Variants in TBC1D14 observed in about 807,000 individuals in gnomAD.
The protein encoded by TBC1D14 is TBC1 domain family, member 14.
TBC1D14 carries 26 observed loss-of-function variants against 79.0 expected under a neutral mutation model. The ratio of observed to expected loss-of-function variants is 0.33; its 90% CI spans 0.24 to 0.46. The LOEUF (loss-of-function observed/expected upper bound fraction) is 0.46, where lower values mean the gene tolerates loss of function less well. Among genes scored for constraint, TBC1D14 ranks in the 20% least tolerant of loss-of-function variants. The pLI is 1.00. For missense variants in TBC1D14, 769 were observed against 887.6 expected (o/e 0.87, Z 1.70); for synonymous variants, 394 against 349.9 (o/e 1.13, Z -1.40).
intron 6 of TBC1D14, among the ~76,000 whole-genome samples, chr4:6,999,618 A>G (rs547560270): frequency 6.6e-6 from 1 of 152,058 alleles, no homozygotes; most frequent in Admixed American, 6.5e-5. Context: ...GGAGCCCCCC[A>G]TAGGTGTTGC....
chr4:6,940,100 A>G (rs1207855260), intron 2 of TBC1D14, among the ~76,000 whole-genome samples: 2 of 152,170 alleles, frequency 1.3e-5, no homozygotes, highest in African/African-American at 4.8e-5. Context: ...CTAGAATATC[A>G]AACTGCCGTC....
rs556716856 is a variant in TBC1D14, at chr4:6,951,395, G to T, written c.723-15909G>T. On this transcript the variant is annotated intron_variant, in intron 2 of 13. Transcript: ENST00000409757. ...ATATGAATTGAAACAATAATAGCTG[G>T]GTGTGGTAGCCTGCAATCCCACCTA... Among the ~76,000 whole-genome samples, 354 of 152,226 alleles carry T rather than the reference G, an allele frequency of 2.3e-3. 1 individual carries two copies. The Middle Eastern group carries it at 0.027, about 12-fold the overall frequency.
rs1720005811 is a variant in TBC1D14, at chr4:7,004,735, CCTATTAT to C, written c.1271-108_1271-102del. 9.5e-6 allele frequency: 9 copies of C among 947,370 alleles called. No homozygotes were observed. In the African/African-American group the frequency reaches 1.5e-4, roughly 15 times the overall value. The allele number at this position is 947,370 out of a possible 1,614,324, so 58.7% of individuals were successfully genotyped here. Reference sequence around the variant, plus strand: ...AGTAGCCTGTTAAGTATGCATTAAGCCTATTATAGTTGAACTTAAGTATTTGGAGGAA... The same window carrying C: ...AGTAGCCTGTTAAGTATGCATTAAGCAGTTGAACTTAAGTATTTGGAGGAA... On this transcript the variant is annotated intron_variant, in intron 7 of 13. Transcript: ENST00000409757.
intron 3 of TBC1D14, among the ~76,000 whole-genome samples, chr4:6,979,214 G>T (rs1451295857): frequency 6.6e-6 from 1 of 152,170 alleles, no homozygotes; most frequent in Non-Finnish European, 1.5e-5. Flanking sequence ...GAAAAAAAGA[G>T]AAAACAAATG....
At chr4:6,995,144 T>C (rs1042494044) in intron 4 of TBC1D14, among the ~76,000 whole-genome samples, 1 of 152,244 alleles carries the variant, frequency 6.6e-6, no homozygotes, top group African/African-American at 2.4e-5. Flanking sequence ...CCAGTACAGT[T>C]ACAAGCACGC....
chr4:6,947,619 G>A (rs1031368054), intron 2 of TBC1D14, among the ~76,000 whole-genome samples: 5 of 146,994 alleles, frequency 3.4e-5, no homozygotes, highest in African/African-American at 7.5e-5. Flanking sequence ...CTGAGATTGC[G>A]CCACGGCACT....
intron 1 of TBC1D14, among the ~76,000 whole-genome samples, chr4:6,918,105 C>T (rs10937763): frequency 9.2e-5 from 14 of 151,982 alleles, no homozygotes; most frequent in Admixed American, 2.6e-4. Flanking sequence ...GGCCCCCCAC[C>T]GCAGAGGAGA....
intron 1 of TBC1D14, among the ~76,000 whole-genome samples, chr4:6,910,810 G>C (rs763902613): frequency 2.0e-5 from 3 of 152,214 alleles, no homozygotes; most frequent in South Asian, 4.1e-4. Context: ...GTTTTCTCTA[G>C]CGTGGAATTG....
At chr4:6,938,722 G>T (rs1172238246) in intron 2 of TBC1D14, among the ~76,000 whole-genome samples, 2 of 152,202 alleles carry the variant, frequency 1.3e-5, no homozygotes, top group Non-Finnish European at 2.9e-5. Context: ...GCCTTGCCTC[G>T]CGGGCCTTCT....
intron 2 of TBC1D14, among the ~76,000 whole-genome samples, chr4:6,963,641 C>G (rs138694648): frequency 3.0e-4 from 45 of 152,354 alleles, no homozygotes; most frequent in African/African-American, 1.0e-3. Context: ...CAGCCCAGAC[C>G]CCAGGCTACA....
chr4:6,991,346 T>C (rs1718465442), intron 3 of TBC1D14, among the ~76,000 whole-genome samples: 1 of 152,200 alleles, frequency 6.6e-6, no homozygotes, highest in Non-Finnish European at 1.5e-5. Flanking sequence ...GGAGTGTGGC[T>C]GCGGAACCCC....
chr4:6,969,285 TAA>T (rs542721589), intron 3 of TBC1D14, among the ~76,000 whole-genome samples: 44 of 152,350 alleles, frequency 2.9e-4, no homozygotes, highest in Admixed American at 2.6e-3. Flanking sequence ...CAAGCTGCTA[TAA>T]AGTTTTTAAA....
At chr4:6,987,268 G>A (rs1717954934) in intron 3 of TBC1D14, 2 of 1,293,098 alleles carry the variant, frequency 1.5e-6, no homozygotes, top group Non-Finnish European at 2.0e-6. Context: ...CCCGCGGTCC[G>A]GGAGGGAGGG....
chr4:6,948,846 T>C (rs1713740241), intron 2 of TBC1D14, among the ~76,000 whole-genome samples: 1 of 151,658 alleles, frequency 6.6e-6, no homozygotes, highest in Non-Finnish European at 1.5e-5. Flanking sequence ...ATTACAGGCG[T>C]GAGCCACCAC....
intron 2 of TBC1D14, among the ~76,000 whole-genome samples, chr4:6,952,837 T>TG (rs1285754929): frequency 3.3e-5 from 5 of 151,758 alleles, no homozygotes; most frequent in African/African-American, 1.2e-4. Context: ...CTAGTTTTTT[T>TG]TTGTTGTTGT....
At position 6,945,981 on chromosome 4, in the gene TBC1D14, C is replaced by T. The variant is rs190958216; in HGVS notation, c.723-21323C>T. Among the ~76,000 whole-genome samples, 157 of 152,124 alleles carry T rather than the reference C, an allele frequency of 1.0e-3. 3 individuals are homozygous for T. The highest frequency in any genetic ancestry group is 3.5e-3 in the African/African-American group (147 of 41,490). ...TGCGCCTCAGGATGCTTGAAAACTC[C>T]CCGGGTGACTCTAGCACGCAGAGGG... On this transcript the variant is annotated intron_variant, in intron 2 of 13. Coordinates refer to ENST00000409757, the MANE Select transcript of TBC1D14 (RefSeq NM_020773.3).
chr4:6,931,092 G>A (rs900482756), intron 2 of TBC1D14, among the ~76,000 whole-genome samples: 2 of 151,956 alleles, frequency 1.3e-5, no homozygotes, highest in African/African-American at 4.8e-5. Flanking sequence ...ATAGAGACAG[G>A]GTTTCTCTAT....
At chr4:6,926,909 C>T (rs1056099296) in intron 2 of TBC1D14, among the ~76,000 whole-genome samples, 2 of 152,260 alleles carry the variant, frequency 1.3e-5, no homozygotes, top group Admixed American at 6.5e-5. Flanking sequence ...CCTGTTTCCC[C>T]ACTTTGTCCC....
chr4:7,025,581 A>G (rs982803929), intron 13 of TBC1D14, among the ~76,000 whole-genome samples: 20 of 151,678 alleles, frequency 1.3e-4, no homozygotes, highest in Non-Finnish European at 2.2e-4. Flanking sequence ...TAAGCCACGT[A>G]CCCCCCTTTT....
Sources: gnomAD v4.1 joint callset for allele counts (sites outside exome capture counted in the v4.1 genomes callset) on GRCh38, gnomAD v4.1.1 for gene constraint, MANE v1.5 for transcripts, NCBI Gene and HGNC (gene_info 2026-07-23, HGNC 2026-07-21) for gene names.